Variants in CFAP44 observed in about 807,000 individuals in gnomAD.
The protein encoded by CFAP44 is cilia- and flagella-associated protein 44.
CFAP44 carries 134 observed loss-of-function variants against 216.2 expected under a neutral mutation model. That is an observed-to-expected ratio of 0.62 (90% CI 0.54 to 0.72). The LOEUF is 0.72. Among genes scored for constraint, CFAP44 ranks in the 30% least tolerant of loss-of-function variants. The pLI is 0.00. For missense variants in CFAP44, 2,035 were observed against 2,182.1 expected, an observed-to-expected ratio of 0.93 and a Z score of 1.34; for synonymous variants, 700 against 727.6, an observed-to-expected ratio of 0.96 and a Z score of 0.61.
rs138951295 is a variant in CFAP44, at chr3:113,305,647, A to G, written c.4759-495T>C. Among the ~76,000 whole-genome samples, 28 of 152,318 alleles carry G rather than the reference A, an allele frequency of 1.8e-4. No individual in the cohort carries two copies. The East Asian group carries it at 3.7e-3, about 20-fold the overall frequency. On this transcript the variant is annotated intron_variant, in intron 30 of 34. Transcript: ENST00000393845. ...TTGCAAGAGGAGAAATAATACATCAAAAATATTTCTGAACATGAATGAAGT... is the reference window on the plus strand; with the variant it reads ...TTGCAAGAGGAGAAATAATACATCAGAAATATTTCTGAACATGAATGAAGT...
At chr3:113,293,925 C>A (rs1576532357) in intron 34 of CFAP44, 1 of 452,638 alleles carries the variant, frequency 2.2e-6, no homozygotes, top group South Asian at 1.6e-5. Flanking sequence ...TGAAGCAGTA[C>A]AACTGGGTTG....
In CFAP44 at chr3:113,317,907, C is replaced by T. The variant is rs189528530; in HGVS notation, c.4516+8538G>A. ...ACAGTGCCAGTGATTGGAGGGGGCT[C>T]CCCCAAGGCCCAGGAGTGGACCTGG... On this transcript the variant is annotated intron_variant, in intron 28 of 34. Transcript: ENST00000393845. Among the ~76,000 whole-genome samples the T allele has an allele frequency of 1.6e-3, 246 of 152,360 alleles. 1 individual carries two copies. Among genetic ancestry groups the T allele is most frequent in the African/African-American group, 5.5e-3 (227 of 41,596 alleles).
At chr3:113,324,835 A>T (rs1172367257) in intron 28 of CFAP44, among the ~76,000 whole-genome samples, 3 of 152,228 alleles carry the variant, frequency 2.0e-5, no homozygotes, top group African/African-American at 4.8e-5. Context: ...TAATAGCAAA[A>T]CCCACAATTA....
intron 15 of CFAP44, among the ~76,000 whole-genome samples, chr3:113,387,983 G>A (rs1373506460): frequency 6.6e-6 from 1 of 152,064 alleles, no homozygotes; most frequent in East Asian, 1.9e-4. Flanking sequence ...AGGGAAGAAT[G>A]GGAAGGACTG....
chr3:113,333,955 CT>C (rs577928589), intron 24 of CFAP44, among the ~76,000 whole-genome samples: 284 of 141,076 alleles, frequency 2.0e-3, no homozygotes, highest in South Asian at 7.0e-3. Context: ...GTCAATTAAA[CT>C]TTTTTTTTTT....
intron 32 of CFAP44, among the ~76,000 whole-genome samples, chr3:113,298,510 G>A (rs150419220): frequency 2.1e-3 from 321 of 152,284 alleles, no homozygotes; most frequent in Non-Finnish European, 2.2e-3. Flanking sequence ...AATGGAAGCA[G>A]AGACATAAAG....
At position 113,395,761 on chromosome 3, in the gene CFAP44, G is replaced by A. The variant is rs1933972704; in HGVS notation, c.1879C>T (p.Pro627Ser). The A allele has an allele frequency of 6.2e-7, 1 of 1,610,292 alleles. No individual in the cohort carries two copies. Among genetic ancestry groups the A allele is most frequent in the African/African-American group, 1.3e-5 (1 of 74,660 alleles). ...TAATAATGACTTACATGAGACATGG[G>A]AGACCACATTAACTGACACACAGGT... is the stretch of plus-strand genomic sequence containing the variant. ...PGPVCQLMWS[P>S]MSHPESTLLI... Residue 627 changes from proline to serine, a missense_variant, in exon 15 of 35, where the codon CCC (proline) becomes TCC (serine). Coordinates refer to ENST00000393845, the MANE Select transcript of CFAP44 (RefSeq NM_001164496.2).
chr3:113,331,787 G>GA (rs1950243324), intron 25 of CFAP44, among the ~76,000 whole-genome samples: 4 of 151,902 alleles, frequency 2.6e-5, no homozygotes, highest in Admixed American at 2.6e-4. Flanking sequence ...TACTGGCTGA[G>GA]AAAAAAGACA....
chr3:113,417,663 T>A (rs940674911), intron 5 of CFAP44, among the ~76,000 whole-genome samples: 3 of 152,210 alleles, frequency 2.0e-5, no homozygotes, highest in Non-Finnish European at 4.4e-5. Flanking sequence ...ACCAACCTTG[T>A]GAGCTTGGAT....
At chr3:113,401,845 T>C in intron 9 of CFAP44, 106 bp from the exon 10 acceptor site, 1 of 1,254,592 alleles carries the variant, frequency 8.0e-7, no homozygotes, top group Non-Finnish European at 1.1e-6. Context: ...TTTCTTTTTC[T>C]TTCATGAAAA....
At chr3:113,375,210 T>C (rs1442911244) in intron 17 of CFAP44, among the ~76,000 whole-genome samples, 4 of 152,142 alleles carry the variant, frequency 2.6e-5, no homozygotes, top group African/African-American at 9.7e-5. Context: ...TTGATGAGTA[T>C]GGGAGTTTCA....
At chr3:113,433,422 T>A in intron 2 of CFAP44, 143 bp downstream of exon 2, 1 of 331,616 alleles carries the variant, frequency 3.0e-6, no homozygotes, top group East Asian at 7.4e-5. Flanking sequence ...AGAGCAAAAC[T>A]CCATCTCAAA....
At chr3:113,390,837 A>C (rs1933776539) in intron 15 of CFAP44, among the ~76,000 whole-genome samples, 1 of 152,190 alleles carries the variant, frequency 6.6e-6, no homozygotes, top group Admixed American at 6.5e-5. Context: ...GGATGAAAGA[A>C]ATTGAAGAGG....
In CFAP44 at chr3:113,308,142, G is replaced by GT. The variant is rs1950004072; in HGVS notation, c.4627+15dup. The GT allele has an allele frequency of 2.0e-6, 3 of 1,523,536 alleles. No individual in the cohort carries two copies. The highest frequency in any genetic ancestry group is 2.0e-5 in the Admixed American group (1 of 48,826). The allele number at this position is 1,523,536 out of a possible 1,614,324, so 94.4% of individuals were successfully genotyped here. A position where few individuals can be genotyped will look rare whatever the true frequency, so the allele number is the denominator to read the frequency against. On this transcript the variant is annotated intron_variant, in intron 29 of 34. Transcript: ENST00000393845. ...ATTCACACTTCACAGAGAACACGTG[G>GT]TTTTATCTAACTTACTTGTTGGGCA... is the stretch of plus-strand genomic sequence containing the variant.
chr3:113,326,002 G>A (rs370276008), intron 28 of CFAP44, among the ~76,000 whole-genome samples: 3 of 152,076 alleles, frequency 2.0e-5, no homozygotes, highest in African/African-American at 4.8e-5. Context: ...GGCAAGCTAC[G>A]CACTAGGAAA....
In CFAP44 at chr3:113,409,204, G is replaced by A. The variant is rs13059888; in HGVS notation, c.792C>T (p.Pro264=). Residue 264 remains proline (P), a synonymous_variant, in exon 7 of 35, where the codon CCC becomes CCT. Coordinates refer to ENST00000393845, the MANE Select transcript of CFAP44 (RefSeq NM_001164496.2). ...LTIWNWKEEQ[P]ILRTKAFSQE... ...GAGAAAAAGCTTTTGTCCTTAGTAT[G>A]GGTTGTTCTTCTTTCCAGTTCCAGA... 1.2e-6 allele frequency: 2 copies of A among 1,613,758 alleles called. No homozygotes were observed. Among genetic ancestry groups the A allele is most frequent in the East Asian group, 2.2e-5 (1 of 44,874 alleles).
chr3:113,352,245 C>G (rs2107829206), intron 22 of CFAP44, among the ~76,000 whole-genome samples: 1 of 152,318 alleles, frequency 6.6e-6, no homozygotes, highest in East Asian at 1.9e-4. Context: ...ATGGACCAAT[C>G]AGCAGCATGT....
chr3:113,385,810 A>T (rs952835195), intron 15 of CFAP44, among the ~76,000 whole-genome samples: 3 of 144,874 alleles, frequency 2.1e-5, no homozygotes, highest in East Asian at 2.0e-4. Context: ...TAATTTTTGT[A>T]TTTTTTTTTT....
In CFAP44 at chr3:113,423,629, C is replaced by A. The variant is rs1934880739; in HGVS notation, c.407+2495G>T. Among the ~76,000 whole-genome samples the A allele has an allele frequency of 2.0e-5, 3 of 152,172 alleles. No individual in the cohort carries two copies. The South Asian group carries it at 6.2e-4, about 32-fold the overall frequency. On this transcript the variant is annotated intron_variant, in intron 4 of 34. Coordinates refer to ENST00000393845, the MANE Select transcript of CFAP44 (RefSeq NM_001164496.2). ...TTTTTTCATGGCCATCTAGAAACTT[C>A]ACTTTAAAATTGTTTAAACACTGTT...
Sources: gnomAD v4.1 joint callset for allele counts (sites outside exome capture counted in the v4.1 genomes callset) on GRCh38, gnomAD v4.1.1 for gene constraint, MANE v1.5 for transcripts, NCBI Gene and HGNC (gene_info 2026-07-23, HGNC 2026-07-21) for gene names.